Variants in IL1RAPL1 observed in about 807,000 individuals in gnomAD.
IL1RAPL1 encodes the protein interleukin-1 receptor accessory protein-like 1.
In IL1RAPL1, 3 loss-of-function variants were observed where a neutral mutation model predicts 48.4. The observed-to-expected ratio is 0.06, with a 90% CI of 0.03 to 0.16. The LOEUF (loss-of-function observed/expected upper bound fraction) is 0.16, where lower values mean the gene tolerates loss of function less well. Among genes scored for constraint, IL1RAPL1 ranks in the 10% least tolerant of loss-of-function variants. IL1RAPL1 has a pLI of 1.00. For synonymous variants in IL1RAPL1, 185 were observed against 187.7 expected, an observed-to-expected ratio of 0.99 and a Z score of 0.12; for missense variants, 349 against 530.6, an observed-to-expected ratio of 0.66 and a Z score of 3.36.
At chrX:28,827,602 T>A (rs941242368) in intron 2 of IL1RAPL1, among the ~76,000 whole-genome samples, 2 of 111,841 alleles carry the variant, frequency 1.8e-5, no homozygotes, top group Non-Finnish European at 3.8e-5. Context: ...GTGAAGAGGA[T>A]CTATATTACG....
At chrX:29,439,339 G>A (rs771371768) in intron 5 of IL1RAPL1, among the ~76,000 whole-genome samples, 7 of 111,657 alleles carry the variant, frequency 6.3e-5, no homozygotes, top group Non-Finnish European at 1.1e-4. Context: ...AAGGATGTAA[G>A]CCTCAGGAGA....
At chrX:29,364,734 T>C (rs1216769239) in intron 3 of IL1RAPL1, among the ~76,000 whole-genome samples, 1 of 110,962 alleles carries the variant, frequency 9.0e-6, no homozygotes, top group African/African-American at 3.3e-5. Flanking sequence ...TTGTAAGTAA[T>C]CCAGAAATTA....
At chrX:29,872,356 T>A (rs1181957696) in intron 6 of IL1RAPL1, among the ~76,000 whole-genome samples, 1 of 111,921 alleles carries the variant, frequency 8.9e-6, no homozygotes, top group Non-Finnish European at 1.9e-5. Flanking sequence ...TGGGAGTCAA[T>A]CCTGAGAAAG....
intron 2 of IL1RAPL1, among the ~76,000 whole-genome samples, chrX:29,087,900 C>T (rs1480604099): frequency 9.0e-6 from 1 of 111,513 alleles, no homozygotes; most frequent in Admixed American, 9.5e-5. Flanking sequence ...GGCATGGTAG[C>T]ATGTGCCTGT....
In IL1RAPL1 at chrX:29,436,079, A is replaced by G. The variant is rs548185638; in HGVS notation, c.703+36771A>G. 1.3e-4 allele frequency among the ~76,000 whole-genome samples: 14 copies of G among 109,468 alleles called. No individual in the cohort carries two copies. The South Asian group carries it at 5.0e-3, about 39-fold the overall frequency. ...CACATCTAAAAATTCCATTAAGTCCATTGGACTGGCAGTTATTATGTTAAA... is the reference window on the plus strand; with the variant it reads ...CACATCTAAAAATTCCATTAAGTCCGTTGGACTGGCAGTTATTATGTTAAA... On this transcript the variant is annotated intron_variant, in intron 5 of 10. Transcript: ENST00000378993.
At chrX:29,305,868 A>AAATG (rs764932365) in intron 3 of IL1RAPL1, among the ~76,000 whole-genome samples, 16 of 112,442 alleles carry the variant, frequency 1.4e-4, no homozygotes, top group Admixed American at 2.8e-4. Context: ...GAATATGAAT[A>AAATG]AATGAATGAA....
chrX:29,162,936 G>A (rs183222888), intron 2 of IL1RAPL1, among the ~76,000 whole-genome samples: 182 of 109,894 alleles, frequency 1.7e-3, no homozygotes, highest in African/African-American at 5.7e-3. Flanking sequence ...AGCCAGGCAT[G>A]GTGGTGGGCG....
chrX:28,718,419 T>C (rs960068927), intron 1 of IL1RAPL1, among the ~76,000 whole-genome samples: 6 of 112,145 alleles, frequency 5.4e-5, no homozygotes, highest in Admixed American at 2.9e-4. Flanking sequence ...ATTTATTTCA[T>C]TGATTCCTTT....
chrX:28,611,493 A>G (rs1391302655), intron 1 of IL1RAPL1, among the ~76,000 whole-genome samples: 2 of 112,533 alleles, frequency 1.8e-5, no homozygotes, highest in African/African-American at 3.2e-5. Context: ...TGTAAAATTA[A>G]TAACTGCCTA....
intron 2 of IL1RAPL1, among the ~76,000 whole-genome samples, chrX:28,973,864 A>C (rs1925142492): frequency 8.9e-6 from 1 of 111,953 alleles, no homozygotes; most frequent in African/African-American, 3.2e-5. Context: ...ACTATTTGCA[A>C]AGTGTTTAGC....
intron 2 of IL1RAPL1, among the ~76,000 whole-genome samples, chrX:28,883,804 A>T (rs1922562808): frequency 8.9e-6 from 1 of 112,606 alleles, no homozygotes; most frequent in South Asian, 3.6e-4. Flanking sequence ...TTTGTAACTA[A>T]TATGTGTATT....
chrX:29,074,884 C>T (rs1021728892), intron 2 of IL1RAPL1, among the ~76,000 whole-genome samples: 2 of 111,926 alleles, frequency 1.8e-5, no homozygotes, highest in Non-Finnish European at 3.8e-5. Context: ...CCCTCATTTT[C>T]TCATTATTAG....
At chrX:29,633,814 C>T (rs1177003647) in intron 5 of IL1RAPL1, among the ~76,000 whole-genome samples, 8 of 98,790 alleles carry the variant, frequency 8.1e-5, no homozygotes, top group Non-Finnish European at 5.7e-5. Flanking sequence ...TTCCTGTGTT[C>T]TCTTCTCTTC....
rs1188000709 is a variant in IL1RAPL1, at chrX:29,801,054, A to AC, written c.779-116410_779-116409insC. ...AAAAAACTCTCCGTCTCAAAAAAAA[A>AC]AAAAAAAAAAAAAAAAAAAAAAAAA... On this transcript the variant is annotated intron_variant, in intron 6 of 10. Coordinates refer to ENST00000378993, the MANE Select transcript of IL1RAPL1 (RefSeq NM_014271.4). 5.6e-3 allele frequency among the ~76,000 whole-genome samples: 434 copies of AC among 78,049 alleles called. 27 individuals carry two copies. Among genetic ancestry groups the AC allele is most frequent in the African/African-American group, 0.02 (407 of 20,197 alleles). The allele number at this position is 78,049 out of a possible 115,157, so 67.8% of individuals were successfully genotyped here. A position where few individuals can be genotyped will look rare whatever the true frequency, so the allele number is the denominator to read the frequency against.
At chrX:29,414,148 T>C (rs1934184407) in intron 5 of IL1RAPL1, among the ~76,000 whole-genome samples, 1 of 111,080 alleles carries the variant, frequency 9.0e-6, no homozygotes, top group African/African-American at 3.3e-5. Flanking sequence ...GGCAAATTCA[T>C]AGAGACAGAA....
intron 6 of IL1RAPL1, among the ~76,000 whole-genome samples, chrX:29,856,338 C>T (rs1569186635): frequency 9.0e-6 from 1 of 111,641 alleles, no homozygotes; most frequent in Non-Finnish European, 1.9e-5. Flanking sequence ...CCGTCAGTAC[C>T]TCCTGGGAGC....
intron 5 of IL1RAPL1, among the ~76,000 whole-genome samples, chrX:29,405,565 A>G (rs1238300325): frequency 2.0e-5 from 2 of 100,746 alleles, no homozygotes; most frequent in African/African-American, 8.6e-5. Context: ...ACGGGGTTTC[A>G]CCGTTTTAGC....
At chrX:29,055,644 C>A (rs1428488474) in intron 2 of IL1RAPL1, among the ~76,000 whole-genome samples, 2 of 111,714 alleles carry the variant, frequency 1.8e-5, no homozygotes, top group Non-Finnish European at 3.8e-5. Flanking sequence ...ATACAATTTT[C>A]CTGTTTGTTT....
intron 5 of IL1RAPL1, among the ~76,000 whole-genome samples, chrX:29,440,300 G>T (rs1309682938): frequency 9.0e-6 from 1 of 111,065 alleles, no homozygotes; most frequent in African/African-American, 3.3e-5. Context: ...TGTATTCACA[G>T]AATGACAGAA....
Sources: allele counts gnomAD v4.1 joint callset (sites outside exome capture counted in the v4.1 genomes callset), GRCh38; gene constraint gnomAD v4.1.1; transcripts MANE v1.5; gene names NCBI Gene and HGNC (gene_info 2026-07-23, HGNC 2026-07-21).